Variants in CREB5 observed in about 807,000 individuals in gnomAD.
CREB5 encodes cyclic AMP-responsive element-binding protein 5.
A neutral mutation model predicts 57.1 loss-of-function variants in CREB5; 19 were observed. That is an observed-to-expected ratio of 0.33 (90% CI 0.23 to 0.49). CREB5 has a LOEUF of 0.49. Among genes scored for constraint, CREB5 ranks in the 20% least tolerant of loss-of-function variants. CREB5 has a pLI of 0.99. For missense variants in CREB5, 579 were observed against 671.6 expected, an observed-to-expected ratio of 0.86 and a Z score of 1.52; for synonymous variants, 238 against 238.3, an observed-to-expected ratio of 1.00 and a Z score of 0.01.
In CREB5 at chr7:28,405,436, G is replaced by A. The variant is rs528991590; in HGVS notation, c.-24-89470G>A. The stretch of plus-strand genomic sequence containing the variant: ...GGTCTCTTTTCCTTTTTTTGAAACA[G>A]GGTCTCACTCTATCATCCATGCTGG... On this transcript the variant is annotated intron_variant, in intron 1 of 9. Transcript: ENST00000396299. Among the ~76,000 whole-genome samples, 6 of 152,158 alleles carry A rather than the reference G, an allele frequency of 3.9e-5. No homozygotes were observed. In the South Asian group the frequency reaches 6.2e-4, roughly 16 times the overall value.
chr7:28,772,039 C>T (rs1315315199), intron 7 of CREB5, among the ~76,000 whole-genome samples: 2 of 152,138 alleles, frequency 1.3e-5, no homozygotes, highest in Non-Finnish European at 1.5e-5. Context: ...AGTTGTCATT[C>T]TCTAAAACAC....
intron 1 of CREB5, among the ~76,000 whole-genome samples, chr7:28,327,808 A>G (rs1279718415): frequency 6.6e-6 from 1 of 152,214 alleles, no homozygotes; most frequent in Non-Finnish European, 1.5e-5. Context: ...GCTAACACAG[A>G]TATTAGAAAT....
chr7:28,567,509 A>G (rs1403806359), intron 4 of CREB5, among the ~76,000 whole-genome samples: 1 of 152,234 alleles, frequency 6.6e-6, no homozygotes, highest in Non-Finnish European at 1.5e-5. Context: ...TGGGGAGTAA[A>G]ATCAGATTTA....
intron 5 of CREB5, among the ~76,000 whole-genome samples, chr7:28,623,071 C>A (rs1797864896): frequency 6.6e-6 from 1 of 152,038 alleles, no homozygotes; most frequent in South Asian, 2.1e-4. Context: ...TTAGTAGAGA[C>A]AGGGTTTCAC....
chr7:28,409,142 C>G (rs1376556401), upstream of CREB5, among the ~76,000 whole-genome samples: 1 of 150,934 alleles, frequency 6.6e-6, no homozygotes, highest in Admixed American at 6.6e-5. This position sits in a 1 kb window ranked among gnomAD's most constrained non-coding sequence, Gnocchi z 4.4. Flanking sequence ...CTTGCGCAGT[C>G]GCCCCCGCCG....
chr7:28,401,475 A>G (rs1026748070), intron 1 of CREB5, among the ~76,000 whole-genome samples: 3 of 152,064 alleles, frequency 2.0e-5, no homozygotes, highest in African/African-American at 7.2e-5. Flanking sequence ...CAGGTTTGTT[A>G]CATATGTATA....
chr7:28,542,297 C>T (rs1475321028), intron 4 of CREB5, among the ~76,000 whole-genome samples: 1 of 152,210 alleles, frequency 6.6e-6, no homozygotes, highest in Non-Finnish European at 1.5e-5. Flanking sequence ...AGACCCTGTG[C>T]TCATAACCAC....
intron 5 of CREB5, among the ~76,000 whole-genome samples, chr7:28,641,558 A>G (rs906067148): frequency 2.0e-5 from 3 of 152,156 alleles, no homozygotes; most frequent in Admixed American, 2.0e-4. Context: ...TCCTTCGGGC[A>G]TGGCAGATGT....
chr7:28,551,829 CTTTCTTTCTTTCTTTTTCTTTCTTTCT>C (rs1195726282), intron 4 of CREB5, among the ~76,000 whole-genome samples: 2 of 148,554 alleles, frequency 1.3e-5, no homozygotes, highest in African/African-American at 2.5e-5. Context: ...ATTTTTCTTT[CTTTCTTTCTTTCTTTTTCTTTCTTTCT>C]TTTCTTTCTT....
chr7:28,734,133 G>A (rs1385235758), intron 7 of CREB5, among the ~76,000 whole-genome samples: 1 of 149,814 alleles, frequency 6.7e-6, no homozygotes, highest in Non-Finnish European at 1.5e-5. Flanking sequence ...TGAAGGTGTG[G>A]TGGCCTTACA....
intron 7 of CREB5, among the ~76,000 whole-genome samples, chr7:28,768,686 G>A (rs534453529): frequency 5.8e-4 from 89 of 152,246 alleles, no homozygotes; most frequent in South Asian, 2.3e-3. Flanking sequence ...CTGTGGATGA[G>A]GTTTTAAGCA....
intron 7 of CREB5, among the ~76,000 whole-genome samples, chr7:28,748,044 T>C (rs1002775065): frequency 1.3e-5 from 2 of 152,244 alleles, no homozygotes; most frequent in African/African-American, 4.8e-5. Flanking sequence ...TGTGGCCATG[T>C]GGCTGGCTGC....
chr7:28,412,895 C>A lies in CREB5; in HGVS notation c.-20C>A. On this transcript the variant is annotated 5_prime_UTR_variant, in exon 1 of 11. In the 5' UTR this introduces an upstream ATG that the reference lacks. Transcript: ENST00000357727. Reference sequence around the variant, plus strand: ...GGTGACTGCAGGAAGCAACACGTTGCTGCTTTTATTCTACAGATAATGGTA... The same window carrying A: ...GGTGACTGCAGGAAGCAACACGTTGATGCTTTTATTCTACAGATAATGGTA... 2 of 1,489,472 alleles carry A rather than the reference C, an allele frequency of 1.3e-6. No individual in the cohort carries two copies. Among genetic ancestry groups the A allele is most frequent in the Non-Finnish European group, 1.8e-6 (2 of 1,116,590 alleles). 92.3% of individuals were successfully genotyped at this position (1,489,472 alleles called of 1,614,324 possible). A position where few individuals can be genotyped will look rare whatever the true frequency, so the allele number is the denominator to read the frequency against.
chr7:28,464,115 A>T (rs956917040), intron 1 of CREB5, among the ~76,000 whole-genome samples: 7 of 152,018 alleles, frequency 4.6e-5, no homozygotes, highest in African/African-American at 1.7e-4. Context: ...TATTCTATTG[A>T]GTCTGATTAT....
At chr7:28,811,666 C>T (rs964858474) in intron 9 of CREB5, among the ~76,000 whole-genome samples, 19 of 152,148 alleles carry the variant, frequency 1.2e-4, no homozygotes, top group Non-Finnish European at 2.6e-4. Context: ...CCACTATGCC[C>T]AGCCAAGCAT....
chr7:28,664,490 G>C (rs919214345), intron 5 of CREB5, among the ~76,000 whole-genome samples: 1 of 151,542 alleles, frequency 6.6e-6, no homozygotes, highest in Non-Finnish European at 1.5e-5. Context: ...ATGAAGGTTT[G>C]ACTAAAATGA....
intron 7 of CREB5, among the ~76,000 whole-genome samples, chr7:28,726,463 A>C (rs1741133272): frequency 6.6e-6 from 1 of 152,158 alleles, no homozygotes; most frequent in African/African-American, 2.4e-5. Context: ...CTAACCATAT[A>C]GTATTTTCTA....
intron 5 of CREB5, among the ~76,000 whole-genome samples, chr7:28,585,268 G>A (rs1297133863): frequency 6.6e-6 from 1 of 152,204 alleles, no homozygotes; most frequent in Non-Finnish European, 1.5e-5. Flanking sequence ...GATGTTCTTA[G>A]CAGCTAATAA....
chr7:28,421,997 G>A lies in CREB5; in HGVS notation c.3+9080G>A, dbSNP rs558892082. On this transcript the variant is annotated intron_variant, in intron 1 of 10. Coordinates refer to ENST00000357727, the MANE Select transcript of CREB5 (RefSeq NM_182898.4). ...GCAAGAAGCCTTGTAGTTTATGTCA[G>A]GGAATGTAAACCCACACTTCACAGT... is the stretch of plus-strand genomic sequence containing the variant. 3.3e-5 allele frequency among the ~76,000 whole-genome samples: 5 copies of A among 151,806 alleles called. No individual in the cohort carries two copies. In the South Asian group the frequency reaches 1.0e-3, roughly 32 times the overall value.
Sources: allele counts gnomAD v4.1 joint callset (sites outside exome capture counted in the v4.1 genomes callset), GRCh38; gene constraint gnomAD v4.1.1; non-coding constraint Gnocchi (gnomAD v3.1); transcripts MANE v1.5; gene names NCBI Gene and HGNC (gene_info 2026-07-23, HGNC 2026-07-21).